The following FHIT variants were observed in gnomAD, a reference collection of about 807,000 sequenced individuals.
FHIT encodes the protein fragile histidine triad diadenosine triphosphatase.
FHIT carries 19 observed loss-of-function variants against 17.9 expected under a neutral mutation model. That is an observed-to-expected ratio of 1.06 (90% CI 0.74 to 1.56). FHIT has a LOEUF of 1.56. Among genes scored for constraint, FHIT ranks in the 40% most tolerant of loss-of-function variants. The pLI, the probability that FHIT is intolerant of heterozygous loss-of-function variation, is 0.00. For synonymous variants in FHIT, 81 were observed against 69.7 expected, an observed-to-expected ratio of 1.16 and a Z score of -0.81; for missense variants, 248 against 189.2, an observed-to-expected ratio of 1.31 and a Z score of -1.82.
chr3:61,065,211 G>A (rs2034559777), intron 2 of FHIT, among the ~76,000 whole-genome samples: 1 of 151,888 alleles, frequency 6.6e-6, no homozygotes, highest in Non-Finnish European at 1.5e-5. Context: ...TTCACAGTGA[G>A]TAATGTGATC....
intron 3 of FHIT, among the ~76,000 whole-genome samples, chr3:60,975,405 G>A (rs147970314): frequency 8.9e-4 from 135 of 152,274 alleles, no homozygotes; most frequent in African/African-American, 3.0e-3. Context: ...CTGAAAATAT[G>A]CCCAGTTAAT....
intron 4 of FHIT, among the ~76,000 whole-genome samples, chr3:60,679,496 C>T (rs926765504): frequency 6.6e-6 from 1 of 151,938 alleles, no homozygotes; most frequent in Non-Finnish European, 1.5e-5. Flanking sequence ...AATTTTTAAA[C>T]CAAATTCGGA....
At chr3:60,204,361 C>G (rs759547997) in intron 5 of FHIT, among the ~76,000 whole-genome samples, 3 of 152,138 alleles carry the variant, frequency 2.0e-5, no homozygotes, top group Non-Finnish European at 4.4e-5. Flanking sequence ...CCTCCACCCC[C>G]TGGGCTCAAG....
At chr3:60,528,271 G>A (rs1203760010) in intron 5 of FHIT, among the ~76,000 whole-genome samples, 1 of 152,096 alleles carries the variant, frequency 6.6e-6, no homozygotes, top group Non-Finnish European at 1.5e-5. Flanking sequence ...GTGCCTGTGT[G>A]AAACAAAATA....
intron 5 of FHIT, among the ~76,000 whole-genome samples, chr3:60,349,823 A>G (rs778251983): frequency 1.3e-5 from 2 of 152,212 alleles, no homozygotes; most frequent in Non-Finnish European, 1.5e-5. Flanking sequence ...ACCGTAAATC[A>G]TATATGATTA....
chr3:60,161,808 G>A (rs753391111), intron 5 of FHIT, among the ~76,000 whole-genome samples: 1 of 152,122 alleles, frequency 6.6e-6, no homozygotes, highest in African/African-American at 2.4e-5. Flanking sequence ...CACACAAAGA[G>A]GGGCACCTGG....
intron 5 of FHIT, among the ~76,000 whole-genome samples, chr3:60,382,389 T>C (rs1305817182): frequency 6.6e-6 from 1 of 152,224 alleles, no homozygotes; most frequent in African/African-American, 2.4e-5. Context: ...AAATAAGCCA[T>C]GAGCGAAGTG....
chr3:60,105,932 A>T (rs932692541), intron 5 of FHIT, among the ~76,000 whole-genome samples: 1 of 152,350 alleles, frequency 6.6e-6, no homozygotes, highest in East Asian at 1.9e-4. Context: ...CAGTGCTTTC[A>T]GTTACCCTTG....
chr3:60,025,114 G>A (rs1332538615), intron 5 of FHIT, among the ~76,000 whole-genome samples: 1 of 152,170 alleles, frequency 6.6e-6, no homozygotes, highest in Non-Finnish European at 1.5e-5. Context: ...GAAGAGTGAT[G>A]TAATTTTGAG....
At chr3:60,400,548 T>C (rs552416255) in intron 5 of FHIT, among the ~76,000 whole-genome samples, 2 of 152,200 alleles carry the variant, frequency 1.3e-5, no homozygotes, top group African/African-American at 2.4e-5. Context: ...TGTAGGGATA[T>C]GTAAGAAACA....
chr3:59,993,166 T>C (rs371603314), intron 7 of FHIT, among the ~76,000 whole-genome samples: 1 of 152,046 alleles, frequency 6.6e-6, no homozygotes, highest in Non-Finnish European at 1.5e-5. Flanking sequence ...AAATCCATGG[T>C]GTTTGCTTTT....
At chr3:60,303,924 T>C (rs892125157) in intron 5 of FHIT, among the ~76,000 whole-genome samples, 1 of 152,086 alleles carries the variant, frequency 6.6e-6, no homozygotes, top group Non-Finnish European at 1.5e-5. Context: ...GGAACACTGG[T>C]TCCTCTTACA....
intron 1 of FHIT, among the ~76,000 whole-genome samples, chr3:61,232,908 G>A (rs918188864): frequency 6.6e-6 from 1 of 152,264 alleles, no homozygotes. Flanking sequence ...AGAACAATGT[G>A]TATTGTACAA....
At chr3:60,315,145 C>T (rs1231890125) in intron 5 of FHIT, among the ~76,000 whole-genome samples, 2 of 152,096 alleles carry the variant, frequency 1.3e-5, no homozygotes, top group East Asian at 1.9e-4. Context: ...TGAGTCATCC[C>T]AGCTGAGGCT....
chr3:59,814,972 A>G (rs1467933739), intron 8 of FHIT, among the ~76,000 whole-genome samples: 6 of 152,230 alleles, frequency 3.9e-5, no homozygotes, highest in African/African-American at 9.6e-5. Context: ...CATGAGCATA[A>G]AGCCACACTA....
intron 4 of FHIT, among the ~76,000 whole-genome samples, chr3:60,764,247 G>GCACA (rs58044669): frequency 4.7e-5 from 7 of 149,750 alleles, no homozygotes; most frequent in East Asian, 2.0e-4. Flanking sequence ...GTAGGAAAAT[G>GCACA]CACACACACA....
At chr3:61,049,107 G>C (rs11711479) in intron 2 of FHIT, among the ~76,000 whole-genome samples, 110,032 of 151,414 alleles carry the variant, frequency 0.73, 41,774 homozygotes, top group East Asian at 0.99. Context: ...CACATGTACC[G>C]TAGAACTTAA....
intron 2 of FHIT, among the ~76,000 whole-genome samples, chr3:61,180,173 C>T (rs958614720): frequency 3.9e-5 from 6 of 152,172 alleles, no homozygotes; most frequent in South Asian, 2.1e-4. Flanking sequence ...CAATTCACTA[C>T]ATTAATTCTT....
Position 60,291,204 on chromosome 3 carries a change from G to A in FHIT, c.103+245656C>T, listed in dbSNP as rs75026771. On this transcript the variant is annotated intron_variant, in intron 5 of 9. Coordinates refer to ENST00000492590, the MANE Select transcript of FHIT (RefSeq NM_002012.4). ...AGGGGTTCTGGAAAAATGGGTTGCC[G>A]GTCCACAGGGAAATACAGGGGGTTT... 1.7e-4 allele frequency among the ~76,000 whole-genome samples: 26 copies of A among 151,974 alleles called. No homozygotes were observed. In the East Asian group the frequency reaches 2.5e-3, roughly 15 times the overall value.
Sources: allele counts gnomAD v4.1 joint callset (sites outside exome capture counted in the v4.1 genomes callset), GRCh38; gene constraint gnomAD v4.1.1; transcripts MANE v1.5; gene names NCBI Gene and HGNC (gene_info 2026-07-23, HGNC 2026-07-21).